Variants in IGF1 observed in about 807,000 individuals in gnomAD.
IGF1 encodes insulin-like growth factor 1.
Under a neutral mutation model 13.8 loss-of-function variants are expected in IGF1, and 4 were observed. The observed-to-expected ratio is 0.29, with a 90% CI of 0.14 to 0.66. IGF1 has a LOEUF of 0.66. IGF1 is among the 30% of genes least tolerant of loss of function. IGF1 has a pLI of 0.78. For missense variants in IGF1, 124 were observed against 188.5 expected, an observed-to-expected ratio of 0.66 and a Z score of 2.00; for synonymous variants, 76 against 72.6, an observed-to-expected ratio of 1.05 and a Z score of -0.23.
chr12:102,464,030 C>T (rs577627367), intron 2 of IGF1, among the ~76,000 whole-genome samples: 14 of 152,310 alleles, frequency 9.2e-5, no homozygotes, highest in African/African-American at 3.4e-4. Context: ...TCTCTAAGGG[C>T]TGGTGCTCCA....
chr12:102,476,446 T>TGAGAGAGAGA (rs1881056336), intron 1 of IGF1, among the ~76,000 whole-genome samples: 1 of 105,964 alleles, frequency 9.4e-6, no homozygotes, highest in Non-Finnish European at 2.1e-5. Context: ...AGAGAGAGAC[T>TGAGAGAGAGA]GATTCCTTAC....
intron 1 of IGF1, 120 bp downstream of exon 1, chr12:102,480,199 A>C (rs1470832730): frequency 2.1e-6 from 2 of 961,502 alleles, no homozygotes; most frequent in African/African-American, 3.3e-5. Context: ...GCAATTTATA[A>C]ATAACTCTCG....
At chr12:102,478,444 G>A (rs1357400999) in intron 1 of IGF1, 18 of 1,397,558 alleles carry the variant, frequency 1.3e-5, no homozygotes, top group Non-Finnish European at 1.6e-5. Flanking sequence ...CAATGAAAAT[G>A]CCCTGTAAAA....
intron 2 of IGF1, among the ~76,000 whole-genome samples, chr12:102,445,089 G>T (rs969483401): frequency 2.0e-5 from 3 of 152,024 alleles, no homozygotes; most frequent in South Asian, 2.1e-4. Context: ...CTGTTCCATT[G>T]GTCGATATAT....
At chr12:102,468,999 T>G (rs947024847) in intron 2 of IGF1, among the ~76,000 whole-genome samples, 2 of 152,210 alleles carry the variant, frequency 1.3e-5, no homozygotes, top group African/African-American at 4.8e-5. Flanking sequence ...GTCAAAGTAT[T>G]GGAGGCCCAT....
intron 2 of IGF1, among the ~76,000 whole-genome samples, chr12:102,435,862 T>C (rs1877180182): frequency 6.6e-6 from 1 of 152,240 alleles, no homozygotes; most frequent in Non-Finnish European, 1.5e-5. Flanking sequence ...CAACAGGTAC[T>C]GGGGTGGTGC....
At chr12:102,438,027 A>AT in intron 2 of IGF1, among the ~76,000 whole-genome samples, 1 of 152,342 alleles carries the variant, frequency 6.6e-6, no homozygotes, top group East Asian at 1.9e-4. Context: ...TCAGAGATGC[A>AT]TTTTGGTAGG....
chr12:102,427,753 G>A (rs1876337293), intron 2 of IGF1, among the ~76,000 whole-genome samples: 1 of 152,298 alleles, frequency 6.6e-6, no homozygotes, highest in African/African-American at 2.4e-5. Flanking sequence ...AGCCTCTACA[G>A]CAGCAGAAAC....
chr12:102,441,906 G>GCTGCTGCTGCTGCTTCTTCTTCTTCTT, intron 2 of IGF1, among the ~76,000 whole-genome samples: 1,853 of 99,960 alleles, frequency 0.019, 153 homozygotes, highest in Middle Eastern at 0.022. Flanking sequence ...CTATTACACT[G>GCTGCTGCTGCTGCTTCTTCTTCTTCTT]CTTCTTCTCC....
intron 2 of IGF1, among the ~76,000 whole-genome samples, chr12:102,424,089 G>C (rs991181044): frequency 6.6e-6 from 1 of 152,160 alleles, no homozygotes; most frequent in Non-Finnish European, 1.5e-5. Context: ...TTGATTTGAA[G>C]AGTCAGTATT....
chr12:102,414,384 AT>A (rs1298297834), intron 3 of IGF1, among the ~76,000 whole-genome samples: 1 of 152,106 alleles, frequency 6.6e-6, no homozygotes, highest in East Asian at 1.9e-4. Flanking sequence ...CTGAATCTAC[AT>A]TTTGTACTCT....
chr12:102,477,584 A>G (rs1881139765), intron 1 of IGF1, among the ~76,000 whole-genome samples: 1 of 139,122 alleles, frequency 7.2e-6, no homozygotes. Context: ...CCTGTTCAAT[A>G]TTTCCATTGG....
At chr12:102,410,010 CT>C (rs1322261318) in intron 3 of IGF1, among the ~76,000 whole-genome samples, 1 of 152,138 alleles carries the variant, frequency 6.6e-6, no homozygotes, top group Non-Finnish European at 1.5e-5. Flanking sequence ...GGAGAGTGGA[CT>C]TACAGCTCTG....
chr12:102,459,940 A>G (rs1879762909), intron 2 of IGF1, among the ~76,000 whole-genome samples: 1 of 152,224 alleles, frequency 6.6e-6, no homozygotes, highest in Non-Finnish European at 1.5e-5. Context: ...ACAAGCGTAT[A>G]GTTAATATCC....
chr12:102,478,816 CCCTT>C (rs1398525397), intron 1 of IGF1, among the ~76,000 whole-genome samples: 2 of 152,172 alleles, frequency 1.3e-5, no homozygotes, highest in African/African-American at 4.8e-5. Flanking sequence ...CTCCCTTACT[CCCTT>C]CCCCCGACTC....
chr12:102,479,937 G>T (rs889711486), intron 1 of IGF1, among the ~76,000 whole-genome samples: 2 of 148,906 alleles, frequency 1.3e-5, no homozygotes, highest in African/African-American at 5.0e-5. Context: ...ACATGCAAAA[G>T]AACATGGTCT....
intron 3 of IGF1, among the ~76,000 whole-genome samples, chr12:102,406,805 T>G (rs891223422): frequency 1.3e-5 from 2 of 151,944 alleles, no homozygotes; most frequent in Non-Finnish European, 2.9e-5. Flanking sequence ...TCAATTAAGA[T>G]TACTGTGCCA....
intron 2 of IGF1, among the ~76,000 whole-genome samples, chr12:102,471,993 C>T (rs1880716505): frequency 6.6e-6 from 1 of 152,104 alleles, no homozygotes; most frequent in Admixed American, 6.5e-5. Context: ...GTTTTTCATG[C>T]AAAATGAGGT....
chr12:102,424,920 T>C (rs897931055), intron 2 of IGF1, among the ~76,000 whole-genome samples: 1 of 152,170 alleles, frequency 6.6e-6, no homozygotes, highest in Non-Finnish European at 1.5e-5. Flanking sequence ...AATCACAACT[T>C]GAATTAAAGC....
Sources: gnomAD v4.1 joint callset for allele counts (sites outside exome capture counted in the v4.1 genomes callset) on GRCh38, gnomAD v4.1.1 for gene constraint, MANE v1.5 for transcripts, NCBI Gene and HGNC (gene_info 2026-07-23, HGNC 2026-07-21) for gene names.